Variants in ERC1 observed in about 807,000 individuals in gnomAD.
The protein encoded by ERC1 is RAB6 interacting protein 2.
In ERC1, 56 loss-of-function variants were observed where a neutral mutation model predicts 132.0. That is an observed-to-expected ratio of 0.42 (90% confidence interval 0.34 to 0.53). The LOEUF (loss-of-function observed/expected upper bound fraction) is 0.53. Ranked by LOEUF, ERC1 falls within the 20% of genes least tolerant of loss-of-function variation. The pLI is 0.03. For missense variants in ERC1, 1,202 were observed against 1,349.9 expected (o/e 0.89, Z 1.72); for synonymous variants, 478 against 476.1 (o/e 1.00, Z -0.05).
chr12:1,117,067 A>G (rs1946535324), intron 7 of ERC1, among the ~76,000 whole-genome samples: 1 of 152,234 alleles, frequency 6.6e-6, no homozygotes, highest in Admixed American at 6.5e-5. Context: ...TACCATGTGG[A>G]TTTACTGTCT....
In ERC1 at chr12:1,028,173, A is replaced by G. The variant is rs1565813213; in HGVS notation, c.270A>G (p.Thr90=). 3 of 1,614,174 alleles carry G rather than the reference A, an allele frequency of 1.9e-6. No homozygotes were observed. Among genetic ancestry groups the G allele is most frequent in the Non-Finnish European group, 1.7e-6 (2 of 1,180,022 alleles). ...CAGAAACACCTAAAAGCACCATGAC[A>G]CTTGGCCGTTCTGGGGGACGTCTGC... ...VGSETPKSTM[T]LGRSGGRLPY... Residue 90 remains threonine (T), a synonymous_variant, in exon 2 of 19, where the codon ACA becomes ACG. Transcript: ENST00000360905.
At chr12:1,320,712 G>GT (rs2082055591) in intron 15 of ERC1, among the ~76,000 whole-genome samples, 2 of 151,966 alleles carry the variant, frequency 1.3e-5, no homozygotes, top group Admixed American at 1.3e-4. Flanking sequence ...GGTTTTTGTT[G>GT]TTTTTTTGAG....
chr12:1,390,676 G>A (rs766999895), intron 16 of ERC1: 1 of 152,190 alleles, frequency 6.6e-6, no homozygotes, highest in Non-Finnish European at 1.5e-5. Context: ...AAATAAAACT[G>A]TGGTCAAACC....
intron 7 of ERC1, among the ~76,000 whole-genome samples, chr12:1,125,407 G>A (rs946003887): frequency 2.0e-5 from 3 of 152,032 alleles, no homozygotes; most frequent in African/African-American, 7.3e-5. Context: ...AGGATATGAG[G>A]AAAAATAAAT....
intron 15 of ERC1, among the ~76,000 whole-genome samples, chr12:1,300,889 G>A (rs1198238268): frequency 6.6e-6 from 1 of 152,002 alleles, no homozygotes; most frequent in African/African-American, 2.4e-5. Flanking sequence ...AAGATGATGT[G>A]GCGATTCCTC....
intron 17 of ERC1, among the ~76,000 whole-genome samples, chr12:1,427,980 C>T (rs2092689074): frequency 6.6e-6 from 1 of 152,082 alleles, no homozygotes; most frequent in Non-Finnish European, 1.5e-5. Flanking sequence ...TCTGTGGTTT[C>T]TGTTGAGTGA....
At chr12:1,096,346 A>G (rs1453183376) in intron 3 of ERC1, among the ~76,000 whole-genome samples, 1 of 152,252 alleles carries the variant, frequency 6.6e-6, no homozygotes, top group Non-Finnish European at 1.5e-5. Flanking sequence ...TAAAAAATGC[A>G]GTTTTAATAT....
intron 7 of ERC1, among the ~76,000 whole-genome samples, chr12:1,130,974 T>A (rs867909420): frequency 2.6e-5 from 4 of 152,176 alleles, no homozygotes; most frequent in African/African-American, 9.7e-5. Context: ...AATTCAGTTA[T>A]TTAACTGTTA....
intron 7 of ERC1, among the ~76,000 whole-genome samples, chr12:1,120,286 T>C (rs1193056979): frequency 6.6e-6 from 1 of 152,212 alleles, no homozygotes; most frequent in Non-Finnish European, 1.5e-5. Context: ...AGCCACTGTG[T>C]CCAGCCATGG....
chr12:1,239,593 G>A (rs1290356762), intron 13 of ERC1, among the ~76,000 whole-genome samples: 5 of 152,148 alleles, frequency 3.3e-5, no homozygotes, highest in East Asian at 1.9e-4. Context: ...TGGTGTACAC[G>A]TACGGTCCCA....
intron 8 of ERC1, among the ~76,000 whole-genome samples, chr12:1,167,843 AG>A (rs1363906121): frequency 6.7e-6 from 1 of 150,302 alleles, no homozygotes; most frequent in African/African-American, 2.5e-5. Context: ...CAGCCTCCTT[AG>A]TACTCGGGAC....
At chr12:1,215,717 C>T (rs1375239983) in intron 12 of ERC1, among the ~76,000 whole-genome samples, 1 of 152,028 alleles carries the variant, frequency 6.6e-6, no homozygotes, top group East Asian at 1.9e-4. Flanking sequence ...TGCTCTTATG[C>T]TCGGCAAAGA....
chr12:1,043,854 C>T (rs1304492210), intron 2 of ERC1, among the ~76,000 whole-genome samples: 1 of 152,210 alleles, frequency 6.6e-6, no homozygotes, highest in African/African-American at 2.4e-5. Context: ...GCTAATGCTA[C>T]TGTCTCTTTA....
At chr12:1,375,276 G>A (rs1328344755) in intron 16 of ERC1, among the ~76,000 whole-genome samples, 2 of 152,154 alleles carry the variant, frequency 1.3e-5, no homozygotes, top group African/African-American at 4.8e-5. Flanking sequence ...GCAGGAGAGA[G>A]AGCGATCAAG....
At chr12:1,196,170 T>C (rs1376367949) in intron 12 of ERC1, among the ~76,000 whole-genome samples, 2 of 152,184 alleles carry the variant, frequency 1.3e-5, no homozygotes, top group Non-Finnish European at 2.9e-5. Context: ...TCTATGCCAT[T>C]CTTTTCAAAT....
chr12:1,231,888 C>T (rs1247090586), intron 12 of ERC1, among the ~76,000 whole-genome samples: 4 of 152,012 alleles, frequency 2.6e-5, no homozygotes, highest in South Asian at 2.1e-4. Flanking sequence ...TACAGGCGCC[C>T]GCCACCACGC....
chr12:1,043,054 T>C (rs569721154), intron 2 of ERC1, among the ~76,000 whole-genome samples: 2 of 151,392 alleles, frequency 1.3e-5, no homozygotes, highest in African/African-American at 4.8e-5. Flanking sequence ...TTTTCTTTTT[T>C]TTTTTTTTAG....
At chr12:1,442,410 C>T (rs2093181633) in intron 17 of ERC1, among the ~76,000 whole-genome samples, 2 of 152,220 alleles carry the variant, frequency 1.3e-5, no homozygotes, top group Admixed American at 1.3e-4. Flanking sequence ...AGAACTGGTA[C>T]CGTAAACCTG....
intron 6 of ERC1, among the ~76,000 whole-genome samples, chr12:1,114,819 A>G (rs979841295): frequency 6.6e-6 from 1 of 151,560 alleles, no homozygotes; most frequent in Non-Finnish European, 1.5e-5. Flanking sequence ...AAGAGATTTT[A>G]TGCATATGAG....
Sources: gnomAD v4.1 joint callset for allele counts (sites outside exome capture counted in the v4.1 genomes callset) on GRCh38, gnomAD v4.1.1 for gene constraint, MANE v1.5 for transcripts, NCBI Gene and HGNC (gene_info 2026-07-23, HGNC 2026-07-21) for gene names.